KCNIP4: variants seen among roughly 807,000 people sequenced by gnomAD.
The protein encoded by KCNIP4 is potassium voltage-gated channel interacting protein 4, also known as Kv channel-interacting protein 4.
In KCNIP4, 12 loss-of-function variants were observed where a neutral mutation model predicts 34.0. That is an observed-to-expected ratio of 0.35 (90% confidence interval 0.23 to 0.57). The LOEUF (loss-of-function observed/expected upper bound fraction) is 0.57, where lower values mean the gene tolerates loss of function less well. Among genes scored for constraint, KCNIP4 ranks in the 20% least tolerant of loss-of-function variants. The pLI is 0.83. For synonymous variants in KCNIP4, 124 were observed against 102.2 expected (o/e 1.21, Z -1.29); for missense variants, 238 against 311.7 (o/e 0.76, Z 1.78).
intron 1 of KCNIP4, among the ~76,000 whole-genome samples, chr4:21,919,721 T>C (rs1016812081): frequency 1.3e-5 from 2 of 152,132 alleles, no homozygotes; most frequent in African/African-American, 4.8e-5. Context: ...GGTGAGAATA[T>C]CAGGGGTGGA....
chr4:21,131,924 G>A (rs769475944), intron 1 of KCNIP4, among the ~76,000 whole-genome samples: 1 of 152,160 alleles, frequency 6.6e-6, no homozygotes, highest in African/African-American at 2.4e-5. Flanking sequence ...TTCCAGGTAT[G>A]GCTTCTCAAA....
chr4:21,159,040 CAG>C (rs1260931741), intron 1 of KCNIP4, among the ~76,000 whole-genome samples: 2 of 152,014 alleles, frequency 1.3e-5, no homozygotes, highest in African/African-American at 2.4e-5. Flanking sequence ...AATTGATTTA[CAG>C]AGTCAATAAA....
intron 1 of KCNIP4, among the ~76,000 whole-genome samples, chr4:21,635,745 T>A (rs1192150554): frequency 6.6e-6 from 1 of 152,098 alleles, no homozygotes; most frequent in Non-Finnish European, 1.5e-5. Context: ...TCCTCAGGGA[T>A]CTAGAACTGG....
intron 5 of KCNIP4, among the ~76,000 whole-genome samples, chr4:20,743,419 G>A (rs1404421377): frequency 1.3e-5 from 2 of 152,092 alleles, no homozygotes; most frequent in African/African-American, 4.8e-5. Flanking sequence ...TACCAAAACA[G>A]AGATATAGAC....
At chr4:21,264,917 G>T (rs2109115332) in intron 1 of KCNIP4, among the ~76,000 whole-genome samples, 1 of 152,078 alleles carries the variant, frequency 6.6e-6, no homozygotes, top group Non-Finnish European at 1.5e-5. Flanking sequence ...GGCCAACATG[G>T]TGAAACTCCC....
At chr4:21,395,070 A>G (rs1210079280) in intron 1 of KCNIP4, among the ~76,000 whole-genome samples, 1 of 152,198 alleles carries the variant, frequency 6.6e-6, no homozygotes, top group African/African-American at 2.4e-5. Flanking sequence ...GTGGGGACCC[A>G]CTCAGAACCC....
intron 1 of KCNIP4, among the ~76,000 whole-genome samples, chr4:21,405,650 T>A (rs1022869598): frequency 6.6e-6 from 1 of 152,218 alleles, no homozygotes; most frequent in Non-Finnish European, 1.5e-5. Context: ...GGATCATGCA[T>A]GACACATGGA....
rs559745722 is a variant in KCNIP4 at position 20,797,093 on chromosome 4, A to G, written c.289-38203T>C. ...ATTCAATTTCAGACCTACAAGCTAG[A>G]AAGGGCTCAAGTGTCACCAGACTTT... On this transcript the variant is annotated intron_variant, in intron 3 of 8. Coordinates refer to ENST00000382152, the MANE Select transcript of KCNIP4 (RefSeq NM_025221.6). Among the ~76,000 whole-genome samples the G allele has an allele frequency of 2.0e-5, 3 of 152,340 alleles. No homozygotes were observed. In the South Asian group the frequency reaches 6.2e-4, roughly 32 times the overall value.
At chr4:21,273,420 A>G (rs1762268274) in intron 1 of KCNIP4, among the ~76,000 whole-genome samples, 1 of 152,082 alleles carries the variant, frequency 6.6e-6, no homozygotes. Flanking sequence ...ATCCTATCTC[A>G]GTGAAAGCCA....
At position 21,617,851 on chromosome 4, in the gene KCNIP4, C is replaced by T. The variant is rs558805814; in HGVS notation, c.61+330720G>A. On this transcript the variant is annotated intron_variant, in intron 1 of 8. Coordinates refer to ENST00000382152, the MANE Select transcript of KCNIP4 (RefSeq NM_025221.6). ...TACTTCTGATCATTTGTTTTAAACT[C>T]TGTCTTTGAAATTAGCAAAATCCTA... is the stretch of plus-strand genomic sequence containing the variant. Among the ~76,000 whole-genome samples the T allele has an allele frequency of 8.5e-5, 13 of 152,302 alleles. No individual in the cohort carries two copies. In the South Asian group the frequency reaches 2.5e-3, roughly 29 times the overall value.
chr4:21,139,721 C>T (rs1162793858), intron 1 of KCNIP4, among the ~76,000 whole-genome samples: 2 of 125,754 alleles, frequency 1.6e-5, no homozygotes, highest in East Asian at 2.0e-4. Flanking sequence ...TTCTTCTGCT[C>T]GGGCTTACTG....
At chr4:20,983,892 G>T (rs1287394722) in intron 1 of KCNIP4, 2 of 1,536,130 alleles carry the variant, frequency 1.3e-6, no homozygotes, top group Non-Finnish European at 1.7e-6. Flanking sequence ...CCCACTGTTT[G>T]CAGTCCTTCG....
At chr4:21,288,677 G>T (rs915944357) in intron 1 of KCNIP4, among the ~76,000 whole-genome samples, 1 of 152,118 alleles carries the variant, frequency 6.6e-6, no homozygotes. Context: ...TCTTGGGCCT[G>T]GGTTCAAATT....
chr4:21,823,399 T>C (rs1722487094), intron 1 of KCNIP4, among the ~76,000 whole-genome samples: 1 of 151,972 alleles, frequency 6.6e-6, no homozygotes, highest in Non-Finnish European at 1.5e-5. Context: ...GAAAACTATA[T>C]TATTCAATTT....
intron 3 of KCNIP4, among the ~76,000 whole-genome samples, chr4:20,785,328 CTTT>C (rs60704201): frequency 2.3e-4 from 32 of 136,322 alleles, no homozygotes; most frequent in Non-Finnish European, 2.0e-4. Context: ...ATTTTTTTTT[CTTT>C]TTTTTTTTTT....
intron 1 of KCNIP4, among the ~76,000 whole-genome samples, chr4:21,438,942 C>T (rs1387150539): frequency 1.3e-5 from 2 of 152,050 alleles, no homozygotes; most frequent in African/African-American, 4.8e-5. Context: ...GTGGGCAGAT[C>T]ACGAGGTCAG....
In KCNIP4 at chr4:21,213,882, A is replaced by T. The variant is rs146598556; in HGVS notation, c.62-331173T>A. On this transcript the variant is annotated intron_variant, in intron 1 of 8. Transcript: ENST00000382152. ...CAGCCCCTAGATTCATGCCTCAAAA[A>T]ATCCTTGATTTCTCCACCTCACATT... Among the ~76,000 whole-genome samples, 452 of 152,202 alleles carry T rather than the reference A, an allele frequency of 3.0e-3. 4 individuals carry two copies. Among genetic ancestry groups the T allele is most frequent in the African/African-American group, 0.01 (419 of 41,552 alleles).
At chr4:20,754,867 T>A (rs3816874) in intron 4 of KCNIP4, among the ~76,000 whole-genome samples, 1 of 152,024 alleles carries the variant, frequency 6.6e-6, no homozygotes, top group Non-Finnish European at 1.5e-5. Context: ...TTGAAATGAT[T>A]GAAAAATAAC....
At chr4:21,800,756 G>T (rs34580494) in intron 1 of KCNIP4, among the ~76,000 whole-genome samples, 60,105 of 151,918 alleles carry the variant, frequency 0.4, 13,365 homozygotes, top group Non-Finnish European at 0.52. Flanking sequence ...ATAGAATTCC[G>T]CATACAAACT....
Sources: allele counts gnomAD v4.1 joint callset (sites outside exome capture counted in the v4.1 genomes callset), GRCh38; gene constraint gnomAD v4.1.1; transcripts MANE v1.5; gene names NCBI Gene and HGNC (gene_info 2026-07-23, HGNC 2026-07-21).